The following HHLA2 variants were observed in gnomAD, a reference collection of about 807,000 sequenced individuals.
The protein encoded by HHLA2 is HERV-H LTR-associating protein 2.
Under a neutral mutation model 45.9 loss-of-function variants are expected in HHLA2, and 48 were observed. That is an observed-to-expected ratio of 1.05 (90% CI 0.83 to 1.33). HHLA2 has a LOEUF of 1.33. HHLA2 is among the 40% of genes most tolerant of loss of function. The probability of loss-of-function intolerance (pLI) is 0.00; values close to 1 mark genes in which losing one functional copy is unlikely to be tolerated. For synonymous variants in HHLA2, 161 were observed against 173.9 expected, an observed-to-expected ratio of 0.93 and a Z score of 0.59; for missense variants, 462 against 494.3, an observed-to-expected ratio of 0.93 and a Z score of 0.62.
intron 3 of HHLA2, among the ~76,000 whole-genome samples, chr3:108,350,403 T>A (rs1402846991): frequency 6.6e-6 from 1 of 152,186 alleles, no homozygotes; most frequent in Non-Finnish European, 1.5e-5. Context: ...TTTCAATAAC[T>A]TTCTTATAGT....
intron 1 of HHLA2, among the ~76,000 whole-genome samples, chr3:108,305,141 A>G (rs1242729375): frequency 6.6e-6 from 1 of 152,074 alleles, no homozygotes; most frequent in Non-Finnish European, 1.5e-5. Flanking sequence ...TGGTTTTTCA[A>G]CTCTAATCTG....
chr3:108,338,974 A>G (rs745711498), intron 3 of HHLA2, among the ~76,000 whole-genome samples: 5 of 152,224 alleles, frequency 3.3e-5, no homozygotes, highest in Non-Finnish European at 7.3e-5. Flanking sequence ...ATGGTACATA[A>G]GTAGCTTGAT....
At chr3:108,367,350 A>G (rs1424001846) in intron 8 of HHLA2, among the ~76,000 whole-genome samples, 1 of 152,136 alleles carries the variant, frequency 6.6e-6, no homozygotes, top group Non-Finnish European at 1.5e-5. Flanking sequence ...TTGGACAGAG[A>G]AAGAGTTTGA....
intron 1 of HHLA2, among the ~76,000 whole-genome samples, chr3:108,301,349 G>A (rs2080845638): frequency 6.6e-6 from 1 of 152,054 alleles, no homozygotes; most frequent in Non-Finnish European, 1.5e-5. Flanking sequence ...CCAGAGACGT[G>A]ACTGCAGAAA....
intron 3 of HHLA2, among the ~76,000 whole-genome samples, chr3:108,340,399 G>A (rs1465231689): frequency 1.3e-5 from 2 of 152,236 alleles, no homozygotes; most frequent in African/African-American, 2.4e-5. Context: ...TCTATAAATC[G>A]CTCAGCATTG....
chr3:108,353,658 T>C (rs1266968618), exon 5 of HHLA2: 3 of 1,613,538 alleles, frequency 1.9e-6, no homozygotes, highest in African/African-American at 2.7e-5. Context: ...TATAATGAGA[T>C]TCAAAATGGG....
At chr3:108,326,768 AG>A (rs2081296369) in intron 2 of HHLA2, 2 of 152,468 alleles carry the variant, frequency 1.3e-5, no homozygotes, top group Admixed American at 1.3e-4. Context: ...TGTGATGAAA[AG>A]CTTCTGCAGC....
Position 108,328,465 on chromosome 3 carries a change from T to C in HHLA2, c.-27+118T>C, listed in dbSNP as rs888964270. The C allele has an allele frequency of 9.2e-6, 6 of 654,318 alleles. No individual in the cohort carries two copies. In the African/African-American group the frequency reaches 1.1e-4, roughly 12 times the overall value. 40.5% of individuals were successfully genotyped at this position (654,318 alleles called of 1,614,324 possible). Reference sequence around the variant, plus strand: ...TTGCAAATATTATTAACATAATTCTTATAACAGTGATTTGGAGGTGAATAT... The same window carrying C: ...TTGCAAATATTATTAACATAATTCTCATAACAGTGATTTGGAGGTGAATAT... On this transcript the variant is annotated intron_variant, in intron 3 of 10. Coordinates refer to ENST00000619531, the Ensembl canonical transcript of HHLA2.
chr3:108,334,132 AAACAGGC>A (rs1277476188), intron 3 of HHLA2, among the ~76,000 whole-genome samples: 1 of 152,234 alleles, frequency 6.6e-6, no homozygotes, highest in Non-Finnish European at 1.5e-5. Flanking sequence ...GTCATGCTGA[AAACAGGC>A]AACTGGAGAC....
At chr3:108,366,023 A>G (rs979141461) in intron 8 of HHLA2, among the ~76,000 whole-genome samples, 2 of 151,832 alleles carry the variant, frequency 1.3e-5, no homozygotes, top group African/African-American at 4.8e-5. Flanking sequence ...ACTATGTTGA[A>G]CTATGGTGAG....
intron 2 of HHLA2, among the ~76,000 whole-genome samples, chr3:108,318,614 A>G (rs994365432): frequency 2.6e-5 from 4 of 152,228 alleles, no homozygotes; most frequent in Admixed American, 1.3e-4. Flanking sequence ...GTATTATACT[A>G]ATTCATGTTC....
intron 8 of HHLA2, among the ~76,000 whole-genome samples, chr3:108,369,512 G>C (rs1165877578): frequency 6.6e-6 from 1 of 152,206 alleles, no homozygotes; most frequent in Non-Finnish European, 1.5e-5. Flanking sequence ...AGCAGGGTGA[G>C]GCATCACCTC....
chr3:108,299,432 T>C (rs945813312), intron 1 of HHLA2, among the ~76,000 whole-genome samples: 2 of 151,446 alleles, frequency 1.3e-5, no homozygotes, highest in Admixed American at 1.3e-4. Context: ...GTGAAATTGA[T>C]GGAGTCAGAG....
intron 3 of HHLA2, among the ~76,000 whole-genome samples, chr3:108,348,927 G>A (rs1389270482): frequency 2.0e-5 from 3 of 151,910 alleles, no homozygotes; most frequent in Non-Finnish European, 2.9e-5. Context: ...TGAGAATGAT[G>A]GTTTCCAGCT....
At chr3:108,305,645 C>T (rs1240834848) in intron 1 of HHLA2, among the ~76,000 whole-genome samples, 4 of 152,054 alleles carry the variant, frequency 2.6e-5, no homozygotes, top group African/African-American at 4.8e-5. Flanking sequence ...ACTCCAGGTA[C>T]ATGCCTGGTT....
At chr3:108,348,799 GC>G (rs2081719188) in intron 3 of HHLA2, among the ~76,000 whole-genome samples, 1 of 145,966 alleles carries the variant, frequency 6.9e-6, no homozygotes, top group Non-Finnish European at 1.5e-5. Context: ...CCCTCCCCTA[GC>G]CCCCCACCCC....
intron 8 of HHLA2, among the ~76,000 whole-genome samples, chr3:108,369,699 G>A (rs1407001517): frequency 1.3e-5 from 2 of 152,136 alleles, no homozygotes; most frequent in Admixed American, 6.5e-5. Context: ...CTACACCCAC[G>A]GAGTCTCGCT....
intron 1 of HHLA2, among the ~76,000 whole-genome samples, chr3:108,304,061 G>A (rs544838859): frequency 6.6e-6 from 1 of 152,290 alleles, no homozygotes; most frequent in Admixed American, 6.5e-5. Context: ...ATACGCGTGT[G>A]TAGTGTTCTA....
chr3:108,375,621 C>G (rs528475746), intron 8 of HHLA2, 129 bp from the exon 8 acceptor site: 4 of 1,192,894 alleles, frequency 3.4e-6, no homozygotes, highest in African/African-American at 1.5e-5. Flanking sequence ...GATAGACACA[C>G]GAAAAACCCT....
Sources: allele counts gnomAD v4.1 joint callset (sites outside exome capture counted in the v4.1 genomes callset), GRCh38; gene constraint gnomAD v4.1.1; transcripts MANE v1.5; gene names NCBI Gene and HGNC (gene_info 2026-07-23, HGNC 2026-07-21).